The following PDLIM2 variants were observed in gnomAD, a reference collection of about 807,000 sequenced individuals.
PDLIM2 encodes the protein PDZ and LIM domain 2, also known as PDZ and LIM domain protein 2.
In PDLIM2, 51 loss-of-function variants were observed where a neutral mutation model predicts 54.1. The ratio of observed to expected loss-of-function variants is 0.94; its 90% CI spans 0.75 to 1.19. PDLIM2 has a LOEUF of 1.19. Among genes scored for constraint, PDLIM2 ranks in the 50% most tolerant of loss-of-function variants. The pLI is 0.00. For missense variants in PDLIM2, 912 were observed against 874.0 expected (o/e 1.04, Z -0.55); for synonymous variants, 398 against 385.6 (o/e 1.03, Z -0.38).
At chr8:22,588,920 T>C in intron 6 of PDLIM2, 1 of 314,544 alleles carries the variant, frequency 3.2e-6, no homozygotes, top group South Asian at 3.6e-5. Context: ...GCTGGTTCCG[T>C]GGGATCGGAG....
chr8:22,579,239 C>T, exon 1 of PDLIM2: 1 of 1,366,582 alleles, frequency 7.3e-7, no homozygotes, highest in Non-Finnish European at 9.4e-7. Flanking sequence ...GCGCGCCCAC[C>T]TGCGCCTCTC....
chr8:22,583,377 C>G (rs750501089), intron 3 of PDLIM2, among the ~76,000 whole-genome samples: 1 of 152,180 alleles, frequency 6.6e-6, no homozygotes, highest in Non-Finnish European at 1.5e-5. Context: ...ACAGCTGGCC[C>G]AGTCACCGTG....
At chr8:22,584,974 C>A (rs376157571) in intron 4 of PDLIM2, 43 bp from the exon 4 acceptor site, 36 of 1,613,026 alleles carry the variant, frequency 2.2e-5, no homozygotes, top group Non-Finnish European at 2.6e-5. Flanking sequence ...GCGGCCTTGG[C>A]GGGGCAGCCC....
At chr8:22,585,586 T>G (rs932988188) in intron 6 of PDLIM2, 187 bp downstream of exon 5, 5 of 206,432 alleles carry the variant, frequency 2.4e-5, no homozygotes, top group African/African-American at 7.9e-5. Context: ...CCACCTGTGC[T>G]GTGCCCAAGA....
At chr8:22,579,222 C>T in exon 1 of PDLIM2, 2 of 1,381,736 alleles carry the variant, frequency 1.4e-6, no homozygotes, top group Non-Finnish European at 1.9e-6. Context: ...GAGCGGCAGC[C>T]AGGTGAGCGC....
chr8:22,581,283 GGTC>G, intron 2 of PDLIM2, 93 bp from the exon 2 acceptor site: 1 of 1,478,344 alleles, frequency 6.8e-7, no homozygotes, highest in Non-Finnish European at 9.1e-7. Context: ...GGCCGGCCTG[GGTC>G]AAGCCAGCCT....
chr8:22,591,749 G>T, intron 9 of PDLIM2, 81 bp downstream of exon 8: 3 of 1,331,014 alleles, frequency 2.3e-6, no homozygotes, highest in Non-Finnish European at 3.1e-6. Context: ...CTTTCAGGAA[G>T]GGCCGGGCCC....
exon 10 of PDLIM2, chr8:22,594,090 C>A: frequency 2.1e-6 from 3 of 1,430,014 alleles, no homozygotes; most frequent in East Asian, 2.5e-5. Context: ...GGGAGACTCA[C>A]CCTCACCTTG....
At chr8:22,590,086 A>C in intron 8 of PDLIM2, 1 of 298,718 alleles carries the variant, frequency 3.3e-6, no homozygotes, top group South Asian at 4.2e-5. Flanking sequence ...TCTTGGCCTT[A>C]GAAAAAACAT....
intron 6 of PDLIM2, among the ~76,000 whole-genome samples, chr8:22,586,749 C>T (rs969702513): frequency 3.9e-5 from 6 of 152,122 alleles, no homozygotes; most frequent in Non-Finnish European, 7.3e-5. Context: ...CAAGCCTTCC[C>T]GAGCTTCCCC....
downstream of PDLIM2, chr8:22,595,351 G>A (rs1439317759): frequency 6.6e-6 from 1 of 152,254 alleles, no homozygotes; most frequent in Non-Finnish European, 1.5e-5. Flanking sequence ...GACTCCATGA[G>A]CCCCAGGCGC....
intron 1 of PDLIM2, chr8:22,579,859 CCCGGCTGTCTGTCGGGCAGCATCAGGA>C: frequency 7.2e-6 from 2 of 279,026 alleles, no homozygotes; most frequent in South Asian, 1.3e-4. Flanking sequence ...GGCCTGTCAC[CCCGGCTGTCTGTCGGGCAGCATCAGGA>C]ATCTGGGGGT....
At chr8:22,578,742 G>A in exon 1 of PDLIM2, 6 of 1,233,252 alleles carry the variant, frequency 4.9e-6, no homozygotes, top group Non-Finnish European at 6.1e-6. Flanking sequence ...GCGGACCGCA[G>A]ACACACCCAG....
intron 6 of PDLIM2, among the ~76,000 whole-genome samples, chr8:22,587,546 C>T (rs1361346174): frequency 6.6e-6 from 1 of 152,188 alleles, no homozygotes; most frequent in Admixed American, 6.5e-5. Context: ...TTGCGTTCCC[C>T]AGCACACATT....
chr8:22,578,752 G>C, exon 1 of PDLIM2: 1 of 1,233,548 alleles, frequency 8.1e-7, no homozygotes, highest in South Asian at 4.1e-5. Context: ...GACACACCCA[G>C]GCAGCCCACC....
chr8:22,581,318 G>A (rs758290388), intron 2 of PDLIM2, 61 bp from the exon 2 acceptor site: 63 of 1,535,968 alleles, frequency 4.1e-5, no homozygotes, highest in Non-Finnish European at 5.4e-5. Context: ...GGGTAGCAGA[G>A]TGGGAAGTCC....
downstream of PDLIM2, chr8:22,597,776 G>A (rs902565149): frequency 1.3e-5 from 2 of 152,410 alleles, no homozygotes; most frequent in African/African-American, 4.8e-5. Context: ...TCTTGCATAA[G>A]GCAGTTCCTG....
exon 1 of PDLIM2, chr8:22,579,211 T>G (rs139396206): frequency 0.025 from 34,709 of 1,386,018 alleles, 913 homozygotes; most frequent in African/African-American, 0.099. Flanking sequence ...GCCGGACAGG[T>G]GAGCGGCAGC....
chr8:22,588,903 C>T (rs1800450964), intron 6 of PDLIM2: 1 of 289,046 alleles, frequency 3.5e-6, no homozygotes, highest in Non-Finnish European at 6.5e-6. Context: ...CAGCGTGCTT[C>T]CTCTCTGCTG....
Sources: allele counts gnomAD v4.1 joint callset (sites outside exome capture counted in the v4.1 genomes callset), GRCh38; gene constraint gnomAD v4.1.1; transcripts MANE v1.5; gene names NCBI Gene and HGNC (gene_info 2026-07-23, HGNC 2026-07-21).